Variants in PTRH1 observed in about 807,000 individuals in gnomAD.
PTRH1 encodes peptidyl-tRNA hydrolase 1 homolog.
A neutral mutation model predicts 15.7 loss-of-function variants in PTRH1; 13 were observed. That is an observed-to-expected ratio of 0.83 (90% CI 0.54 to 1.31). The LOEUF (loss-of-function observed/expected upper bound fraction) is 1.31. Ranked by LOEUF, PTRH1 falls within the 40% of genes most tolerant of loss-of-function variation. The pLI, the probability that PTRH1 is intolerant of heterozygous loss-of-function variation, is 0.00. For missense variants in PTRH1, 319 were observed against 296.2 expected (o/e 1.08, Z -0.56); for synonymous variants, 139 against 136.7 (o/e 1.02, Z -0.12).
chr9:127,707,026 T>C (rs764901514), intron 1 of PTRH1: 11 of 1,613,130 alleles, frequency 6.8e-6, no homozygotes, highest in Non-Finnish European at 8.5e-6. Context: ...CTGGTTGCCA[T>C]CAGCCATGGC....
chr9:127,709,500 GA>G (rs1181061170), downstream of PTRH1: 18 of 1,613,958 alleles, frequency 1.1e-5, no homozygotes, highest in Non-Finnish European at 1.5e-5. This position sits in a 1 kb window ranked among gnomAD's most constrained non-coding sequence, Gnocchi z 4.7. Flanking sequence ...CCAATAACAA[GA>G]AGGAGATTGT....
intron 1 of PTRH1, among the ~76,000 whole-genome samples, chr9:127,702,967 C>G (rs573092846): frequency 6.6e-6 from 1 of 151,322 alleles, no homozygotes; most frequent in African/African-American, 2.4e-5. Flanking sequence ...GTGATCCACC[C>G]GCCTCGGCCT....
At chr9:127,695,439 A>C in intron 1 of PTRH1, 1 of 341,906 alleles carries the variant, frequency 2.9e-6, no homozygotes, top group Non-Finnish European at 5.3e-6. Flanking sequence ...GTAAACAGCA[A>C]ACTGTTCTCA....
At chr9:127,714,917 C>T (rs1323877741) in intron 2 of PTRH1, 58 bp downstream of exon 2, 21 of 798,974 alleles carry the variant, frequency 2.6e-5, no homozygotes, top group Non-Finnish European at 4.1e-5. Context: ...CTCTGGCCCC[C>T]GCGCCCCAAC....
chr9:127,711,119 A>T, downstream of PTRH1: 1 of 1,305,792 alleles, frequency 7.7e-7, no homozygotes, highest in Non-Finnish European at 1.0e-6. Context: ...CCAGGGAGAG[A>T]GCATGCTGGT....
chr9:127,696,010 C>A (rs1472319894), intron 1 of PTRH1: 7 of 152,000 alleles, frequency 4.6e-5, no homozygotes, highest in African/African-American at 1.5e-4. Flanking sequence ...TAAAAAAAAA[C>A]CAACAATGTA....
intron 1 of PTRH1, among the ~76,000 whole-genome samples, chr9:127,701,009 G>T (rs1206058413): frequency 6.6e-6 from 1 of 152,246 alleles, no homozygotes; most frequent in African/African-American, 2.4e-5. Flanking sequence ...CCACCCCAAA[G>T]TAAACATGGG....
At chr9:127,713,786 T>C (rs112621784), downstream of PTRH1, 4,650 of 1,505,186 alleles carry the variant, frequency 3.1e-3, 123 homozygotes, top group African/African-American at 0.056. Context: ...GGATTATAGG[T>C]GTGAGCCACT....
intron 1 of PTRH1, among the ~76,000 whole-genome samples, chr9:127,700,783 T>C (rs944707284): frequency 3.9e-5 from 6 of 152,162 alleles, no homozygotes; most frequent in Non-Finnish European, 8.8e-5. Flanking sequence ...ACAATTACAA[T>C]TCACCCAGCT....
chr9:127,712,022 T>A (rs1347477794), downstream of PTRH1: 1 of 1,542,214 alleles, frequency 6.5e-7, no homozygotes, highest in East Asian at 2.3e-5. Flanking sequence ...CTCTTTCCGA[T>A]CCCACGACCC....
intron 1 of PTRH1, chr9:127,706,968 G>C: frequency 6.3e-7 from 1 of 1,585,888 alleles, no homozygotes; most frequent in Non-Finnish European, 8.6e-7. Context: ...CTATGTACGG[G>C]ACCAGCTTCC....
Position 127,715,453 on chromosome 9 carries a change from A to T in PTRH1, c.96+91T>A. 1 of 1,556,392 alleles carries T rather than the reference A, an allele frequency of 6.4e-7. No individual in the cohort carries two copies. Among genetic ancestry groups the T allele is most frequent in the Non-Finnish European group, 8.8e-7 (1 of 1,137,306 alleles). On this transcript the variant is annotated intron_variant, in intron 1 of 4. Transcript: ENST00000543175. This position sits in a 1 kb window ranked among gnomAD's most constrained non-coding sequence, Gnocchi z 5.8. The stretch of plus-strand genomic sequence containing the variant: ...AACTCACCAGTTAAGAAAACAGAGC[A>T]GCAATTTGGGGGCACTCGGCTCCCG...
In PTRH1 at chr9:127,705,799, G is replaced by A. The variant is rs1175667538; in HGVS notation, c.205+9636C>T. On this transcript the variant is annotated intron_variant, in intron 1 of 2. Transcript: ENST00000335223. This position sits in a 1 kb window ranked among gnomAD's most constrained non-coding sequence, Gnocchi z 4.7. Reference sequence around the variant, plus strand: ...CCTCCCCGCTCTCCCCACAAGGCCTGGGCAGCCAGAGCTCCCTCACTTGTA... The same window carrying A: ...CCTCCCCGCTCTCCCCACAAGGCCTAGGCAGCCAGAGCTCCCTCACTTGTA... Among the ~76,000 whole-genome samples, 1 of 152,236 alleles carries A rather than the reference G, an allele frequency of 6.6e-6. No individual in the cohort carries two copies. The highest frequency in any genetic ancestry group is 1.5e-5 in the Non-Finnish European group (1 of 68,038).
At chr9:127,708,505 TAAAA>T (rs922349397) in intron 1 of PTRH1, among the ~76,000 whole-genome samples, 4 of 152,068 alleles carry the variant, frequency 2.6e-5, no homozygotes, top group Admixed American at 2.0e-4. Context: ...TTAATTTAAT[TAAAA>T]AAAACTTTTC....
Position 127,715,512 on chromosome 9 carries a change from G to C in PTRH1, c.96+32C>G. The stretch of plus-strand genomic sequence containing the variant: ...TGGCCGAACTGAAGCTAGGGACCGG[G>C]AGCCCCTACGTCGCCGCCCCACGCC... On this transcript the variant is annotated intron_variant, in intron 1 of 4. Coordinates refer to ENST00000543175, the MANE Select transcript of PTRH1 (RefSeq NM_001002913.3). This position sits in a 1 kb window ranked among gnomAD's most constrained non-coding sequence, Gnocchi z 5.8. 6.2e-7 allele frequency: 1 copy of C among 1,612,888 alleles called. No individual in the cohort carries two copies. Among genetic ancestry groups the C allele is most frequent in the South Asian group, 1.1e-5 (1 of 91,064 alleles).
chr9:127,695,098 A>ATGATGG, exon 2 of PTRH1: 1 of 579,520 alleles, frequency 1.7e-6, no homozygotes, highest in Non-Finnish European at 3.1e-6. Flanking sequence ...GATGATGGTG[A>ATGATGG]TGATGATGAT....
chr9:127,714,040 C>A lies in PTRH1; in HGVS notation c.*60G>T, dbSNP rs560855459. Reference sequence around the variant, plus strand: ...AGATACCAAGGCTGGCGTGGCAGCTCTGTGGCAGTGGCTGGGTTGGTGGGC... The same window carrying A: ...AGATACCAAGGCTGGCGTGGCAGCTATGTGGCAGTGGCTGGGTTGGTGGGC... On this transcript the variant is annotated 3_prime_UTR_variant, in exon 5 of 5. Transcript: ENST00000543175. 2.3e-4 allele frequency: 372 copies of A among 1,595,208 alleles called. No individual in the cohort carries two copies. The highest frequency in any genetic ancestry group is 9.2e-4 in the Admixed American group (54 of 58,950).
chr9:127,712,749 T>C (rs749054064), downstream of PTRH1: 7 of 1,614,020 alleles, frequency 4.3e-6, no homozygotes, highest in South Asian at 1.1e-5. Context: ...GACGTGACGT[T>C]CCAGCCATGG....
downstream of PTRH1, chr9:127,711,570 A>C: frequency 1.9e-6 from 3 of 1,548,912 alleles, no homozygotes; most frequent in South Asian, 3.6e-5. Context: ...CTGCAGGGGT[A>C]GAGTCAGGGG....
Sources: gnomAD v4.1 joint callset for allele counts (sites outside exome capture counted in the v4.1 genomes callset) on GRCh38, gnomAD v4.1.1 for gene constraint, Gnocchi (gnomAD v3.1) non-coding constraint, MANE v1.5 for transcripts, NCBI Gene and HGNC (gene_info 2026-07-23, HGNC 2026-07-21) for gene names.